Variants in PTPRQ observed in about 807,000 individuals in gnomAD.
PTPRQ encodes the protein phosphatidylinositol phosphatase PTPRQ.
Under a neutral mutation model 246.0 loss-of-function variants are expected in PTPRQ, and 199 were observed. That is an observed-to-expected ratio of 0.81 (90% confidence interval 0.72 to 0.91). The LOEUF is 0.91. Among genes scored for constraint, PTPRQ ranks in the 40% least tolerant of loss-of-function variants. The pLI, the probability that PTPRQ is intolerant of heterozygous loss-of-function variation, is 0.00. For synonymous variants in PTPRQ, 869 were observed against 853.2 expected (o/e 1.02, Z -0.32); for missense variants, 2,624 against 2,528.4 (o/e 1.04, Z -0.81).
chr12:80,460,939 G>T (rs1185866924), intron 6 of PTPRQ, 37 bp downstream of exon 6: 3 of 399,408 alleles, frequency 7.5e-6, no homozygotes, highest in Non-Finnish European at 1.3e-5. Flanking sequence ...AGATTTAAAT[G>T]ATTAGAGAAT....
chr12:80,570,034 A>T (rs183704795), intron 25 of PTPRQ, among the ~76,000 whole-genome samples: 3 of 152,338 alleles, frequency 2.0e-5, no homozygotes, highest in African/African-American at 7.2e-5. Flanking sequence ...ATAGTGCTGC[A>T]CTAAACATAC....
rs867587746 is a variant in PTPRQ, at chr12:80,478,643, A to C, written c.1187-5790A>C. Among the ~76,000 whole-genome samples, 7 of 152,290 alleles carry C rather than the reference A, an allele frequency of 4.6e-5. No homozygotes were observed. In the South Asian group the frequency reaches 8.3e-4, roughly 18 times the overall value. The stretch of plus-strand genomic sequence containing the variant: ...AAAACTGTGAAAAAAATTTAGAAGA[A>C]TGTATAACTAGAATAACCAATACAG... On this transcript the variant is annotated intron_variant, in intron 8 of 44. Coordinates refer to ENST00000644991, the MANE Select transcript of PTPRQ (RefSeq NM_001145026.2).
intron 25 of PTPRQ, among the ~76,000 whole-genome samples, chr12:80,578,227 C>T (rs1223105335): frequency 8.0e-6 from 1 of 124,554 alleles, no homozygotes; most frequent in Non-Finnish European, 1.7e-5. Flanking sequence ...CCCCTCCCCC[C>T]ACCCCACAAC....
chr12:80,675,052 T>C (rs1187005989), intron 43 of PTPRQ, among the ~76,000 whole-genome samples: 1 of 152,136 alleles, frequency 6.6e-6, no homozygotes, highest in African/African-American at 2.4e-5. Flanking sequence ...AACTAGGTAA[T>C]ATAATGCATA....
intron 25 of PTPRQ, chr12:80,561,695 T>C (rs1282478898): frequency 6.6e-6 from 1 of 152,166 alleles, no homozygotes; most frequent in African/African-American, 2.4e-5. Flanking sequence ...TGGAGATTGC[T>C]TGAGATTCTC....
chr12:80,632,125 G>T, intron 33 of PTPRQ, 67 bp from the exon 34 acceptor site: 1 of 1,494,362 alleles, frequency 6.7e-7, no homozygotes, highest in Admixed American at 2.3e-5. Context: ...AATATTTTTT[G>T]GTAGTTTGGG....
At chr12:80,609,096 A>G (rs1409231525) in intron 27 of PTPRQ, among the ~76,000 whole-genome samples, 1 of 150,438 alleles carries the variant, frequency 6.6e-6, no homozygotes, top group Non-Finnish European at 1.5e-5. Context: ...ATTTGACTGT[A>G]TGCAACGATA....
At chr12:80,495,158 T>A in intron 11 of PTPRQ, 34 bp from the exon 12 acceptor site, 2 of 1,547,606 alleles carry the variant, frequency 1.3e-6, no homozygotes, top group Non-Finnish European at 1.7e-6. Context: ...TGTGATACTT[T>A]TTTTTCATTC....
intron 27 of PTPRQ, among the ~76,000 whole-genome samples, chr12:80,609,256 A>G (rs532622428): frequency 6.7e-6 from 1 of 150,184 alleles, no homozygotes. Context: ...TTTACAATAT[A>G]GTTATACCAT....
intron 3 of PTPRQ, among the ~76,000 whole-genome samples, chr12:80,453,988 C>T (rs1485114167): frequency 3.1e-5 from 1 of 32,348 alleles, no homozygotes; most frequent in South Asian, 8.1e-4. Flanking sequence ...CCTACAGAGG[C>T]AGGCAGGCCT....
At chr12:80,616,089 A>AGT in intron 29 of PTPRQ, 111 bp from the exon 30 acceptor site, 1 of 538,032 alleles carries the variant, frequency 1.9e-6, no homozygotes, top group Non-Finnish European at 2.6e-6. Context: ...TTATATATAT[A>AGT]TATATAACTA....
intron 35 of PTPRQ, among the ~76,000 whole-genome samples, chr12:80,643,438 CAA>C (rs75925292): frequency 2.1e-4 from 25 of 120,614 alleles, no homozygotes; most frequent in African/African-American, 1.8e-4. Flanking sequence ...AATCCCATCT[CAA>C]AAAAAAAAAA....
chr12:80,560,214 G>T (rs1271382093), intron 25 of PTPRQ, among the ~76,000 whole-genome samples: 3 of 152,178 alleles, frequency 2.0e-5, no homozygotes, highest in Non-Finnish European at 4.4e-5. Context: ...TCCTTTGGAG[G>T]TTCAGTGTCT....
chr12:80,618,479 C>A (rs1898852821), intron 30 of PTPRQ, among the ~76,000 whole-genome samples: 1 of 150,934 alleles, frequency 6.6e-6, no homozygotes, highest in Non-Finnish European at 1.5e-5. Flanking sequence ...GCATTGATGA[C>A]AAATTATGAA....
At chr12:80,642,933 A>AAAC (rs1899931485) in intron 35 of PTPRQ, among the ~76,000 whole-genome samples, 1 of 144,322 alleles carries the variant, frequency 6.9e-6, no homozygotes, top group African/African-American at 2.7e-5. Context: ...AAAAAAAAAA[A>AAAC]AAAAAAAAAA....
intron 9 of PTPRQ, among the ~76,000 whole-genome samples, chr12:80,487,432 C>T (rs1335355670): frequency 6.6e-6 from 1 of 152,088 alleles, no homozygotes; most frequent in East Asian, 1.9e-4. Context: ...AGTCTTGGTA[C>T]CTGGGTTTAG....
intron 25 of PTPRQ, among the ~76,000 whole-genome samples, chr12:80,576,081 GCTTACAGTCAGAACTC>G (rs1327678179): frequency 6.6e-6 from 1 of 151,926 alleles, no homozygotes; most frequent in Non-Finnish European, 1.5e-5. Context: ...TTTTCCCAAA[GCTTACAGTCAGAACTC>G]CTTGTGTATA....
In PTPRQ at chr12:80,493,386, A is replaced by T; in HGVS notation, c.1471A>T (p.Ile491Leu). The T allele has an allele frequency of 6.5e-7, 1 of 1,550,216 alleles. No individual in the cohort carries two copies. The highest frequency in any genetic ancestry group is 8.7e-7 in the Non-Finnish European group (1 of 1,145,988). The change falls in exon 10 of 45, where the codon ATA becomes TTA. Residue 491 changes from isoleucine to leucine, a missense_variant. Coordinates refer to ENST00000644991, the MANE Select transcript of PTPRQ (RefSeq NM_001145026.2). ...TGACCTTCACTCACTTGCTACATTTATATATAACAGCCATCCAGATAAAAA... is the reference window on the plus strand; with the variant it reads ...TGACCTTCACTCACTTGCTACATTTTTATATAACAGCCATCCAGATAAAAA... ...SSDLHSLATF[I>L]YNSHPDKNFP...
rs559244435 is a variant in PTPRQ, at chr12:80,669,075, G to C, written c.6261G>C (p.Trp2087Cys). The C allele has an allele frequency of 3.7e-5, 57 of 1,550,480 alleles. No individual in the cohort carries two copies. The highest frequency in any genetic ancestry group is 1.7e-4 in the Middle Eastern group (1 of 6,002). ...TACCAGGAACAGTTGGAGATTTTTG[G>C]AGAATGGTGTGGGAAACCAGAGCAA... ...GPLPGTVGDF[W>C]RMVWETRAKT... The change falls in exon 40 of 45, where the codon TGG (tryptophan) becomes TGC (cysteine). Residue 2087 changes from tryptophan to cysteine, a missense_variant. By Grantham distance (215) the Trp-to-Cys change is radical. Coordinates refer to ENST00000644991, the MANE Select transcript of PTPRQ (RefSeq NM_001145026.2).
Sources: allele counts gnomAD v4.1 joint callset (sites outside exome capture counted in the v4.1 genomes callset), GRCh38; gene constraint gnomAD v4.1.1; transcripts MANE v1.5; gene names NCBI Gene and HGNC (gene_info 2026-07-23, HGNC 2026-07-21).